USP3: variants seen among roughly 807,000 people sequenced by gnomAD.
The protein encoded by USP3 is ubiquitin carboxyl-terminal hydrolase 3.
In USP3, 20 loss-of-function variants were observed where a neutral mutation model predicts 72.3. The ratio of observed to expected loss-of-function variants is 0.28; its 90% CI spans 0.19 to 0.40. USP3 has a LOEUF of 0.40. Among genes scored for constraint, USP3 ranks in the 10% least tolerant of loss-of-function variants. The pLI, the probability that USP3 is intolerant of heterozygous loss-of-function variation, is 1.00. For synonymous variants in USP3, 222 were observed against 225.3 expected (o/e 0.99, Z 0.13); for missense variants, 479 against 633.9 (o/e 0.76, Z 2.62).
At chr15:63,551,566 T>C (rs550541586) in intron 3 of USP3, among the ~76,000 whole-genome samples, 45 of 152,268 alleles carry the variant, frequency 3.0e-4, no homozygotes, top group African/African-American at 1.1e-3. Context: ...ATTCTGTTGA[T>C]ACAAACTAGA....
intron 14 of USP3, among the ~76,000 whole-genome samples, chr15:63,589,337 C>T (rs2067139284): frequency 6.6e-6 from 1 of 152,202 alleles, no homozygotes; most frequent in South Asian, 2.1e-4. Context: ...CTTGGAATAA[C>T]TTACTCCATA....
chr15:63,524,070 A>C (rs2065949855), intron 1 of USP3, among the ~76,000 whole-genome samples: 1 of 152,156 alleles, frequency 6.6e-6, no homozygotes, highest in African/African-American at 2.4e-5. Flanking sequence ...CTTGTTACTG[A>C]GTTATTGTTA....
intron 1 of USP3, among the ~76,000 whole-genome samples, chr15:63,518,826 C>T (rs570260086): frequency 6.6e-6 from 1 of 151,836 alleles, no homozygotes; most frequent in Non-Finnish European, 1.5e-5. Context: ...AGTGCAGTGG[C>T]GTGATCTCGG....
chr15:63,508,095 T>G (rs2152645658), intron 1 of USP3, among the ~76,000 whole-genome samples: 1 of 152,306 alleles, frequency 6.6e-6, no homozygotes, highest in Non-Finnish European at 1.5e-5. Flanking sequence ...CCCCACTGCA[T>G]GCTTGTGAGA....
chr15:63,505,869 A>C (rs1410933476), intron 1 of USP3, among the ~76,000 whole-genome samples: 1 of 152,194 alleles, frequency 6.6e-6, no homozygotes, highest in Non-Finnish European at 1.5e-5. Context: ...AGAAATATAG[A>C]AAAACGGCAA....
chr15:63,589,503 C>G (rs1401776701), intron 14 of USP3, among the ~76,000 whole-genome samples: 1 of 152,144 alleles, frequency 6.6e-6, no homozygotes, highest in Admixed American at 6.5e-5. Flanking sequence ...GACGACTATC[C>G]ATGTTGAAAA....
chr15:63,554,462 G>C (rs977146173), intron 4 of USP3, among the ~76,000 whole-genome samples: 4 of 152,196 alleles, frequency 2.6e-5, no homozygotes, highest in African/African-American at 9.6e-5. Flanking sequence ...AGCTAGCCAT[G>C]CCTTTGAAGC....
Position 63,544,574 on chromosome 15 carries a change from C to A in USP3, c.284+7418C>A. On this transcript the variant is annotated intron_variant, in intron 3 of 14. Coordinates refer to ENST00000380324, the MANE Select transcript of USP3 (RefSeq NM_006537.4). The surrounding 1 kb of genome is among the most constrained non-coding windows in gnomAD (Gnocchi z 4.2). Reference sequence around the variant, plus strand: ...TTAGAATTTTTTAAAGGAAGTAAACCTACATTAAATTTTAGGACAAGAAAA... The same window carrying A: ...TTAGAATTTTTTAAAGGAAGTAAACATACATTAAATTTTAGGACAAGAAAA... 1.6e-6 allele frequency: 1 copy of A among 606,524 alleles called. No homozygotes were observed. Among genetic ancestry groups the A allele is most frequent in the Non-Finnish European group, 2.9e-6 (1 of 341,024 alleles). 37.6% of individuals were successfully genotyped at this position (606,524 alleles called of 1,614,324 possible).
intron 11 of USP3, among the ~76,000 whole-genome samples, chr15:63,587,475 A>T (rs1288265490): frequency 6.6e-6 from 1 of 152,260 alleles, no homozygotes; most frequent in African/African-American, 2.4e-5. Context: ...AAGCAAAATG[A>T]CATACAGCAG....
intron 5 of USP3, 56 bp from the exon 6 acceptor site, chr15:63,558,050 G>A (rs2066541731): frequency 6.3e-7 from 1 of 1,590,892 alleles, no homozygotes; most frequent in Admixed American, 1.7e-5. Flanking sequence ...TTTGATGTTT[G>A]AAACAGTTGG....
chr15:63,525,413 G>C (rs2065967924), intron 1 of USP3, among the ~76,000 whole-genome samples: 2 of 152,132 alleles, frequency 1.3e-5, no homozygotes, highest in African/African-American at 4.8e-5. Flanking sequence ...TGTTCCCTGG[G>C]AACCTAACCA....
Position 63,522,678 on chromosome 15 carries a change from A to G in USP3, c.92-9969A>G, listed in dbSNP as rs190097993. ...CTTACTCACTTCTTTGCTAAAACAA[A>G]GTTAGAAATTAAAATGTATTTCTAA... On this transcript the variant is annotated intron_variant, in intron 1 of 14. Transcript: ENST00000380324. Among the ~76,000 whole-genome samples, 668 of 152,298 alleles carry G rather than the reference A, an allele frequency of 4.4e-3. 3 individuals are homozygous for G. The highest frequency in any genetic ancestry group is 5.2e-3 in the Admixed American group (80 of 15,306).
chr15:63,584,333 C>T (rs929961931), intron 11 of USP3, among the ~76,000 whole-genome samples: 3 of 152,140 alleles, frequency 2.0e-5, no homozygotes, highest in East Asian at 3.9e-4. Flanking sequence ...CTCCTGACCT[C>T]GTGATCTACC....
intron 3 of USP3, among the ~76,000 whole-genome samples, chr15:63,551,585 AC>A (rs2066437394): frequency 6.6e-6 from 1 of 152,160 alleles, no homozygotes; most frequent in East Asian, 1.9e-4. Flanking sequence ...GATTGGTGAT[AC>A]GCTTTTGGGT....
intron 14 of USP3, among the ~76,000 whole-genome samples, chr15:63,589,959 A>G (rs1242303191): frequency 1.6e-5 from 2 of 121,408 alleles, no homozygotes; most frequent in African/African-American, 2.6e-5. Context: ...TGATTGCACT[A>G]TCTTTTTGAA....
intron 11 of USP3, among the ~76,000 whole-genome samples, chr15:63,577,747 T>C (rs1323209009): frequency 3.3e-5 from 5 of 151,350 alleles, no homozygotes; most frequent in Non-Finnish European, 5.9e-5. Context: ...CGAGACTCCG[T>C]CTCAAAATAA....
chr15:63,514,307 A>G (rs551165237), intron 1 of USP3, among the ~76,000 whole-genome samples: 20 of 152,146 alleles, frequency 1.3e-4, no homozygotes, highest in African/African-American at 3.9e-4. Context: ...TGAAAATTCT[A>G]TCGATTGTAA....
At chr15:63,556,825 A>G (rs1170691974) in intron 5 of USP3, 77 bp downstream of exon 5, 2 of 1,018,764 alleles carry the variant, frequency 2.0e-6, no homozygotes, top group Admixed American at 5.1e-5. Flanking sequence ...CTAACATGTA[A>G]TGTTACCTGT....
chr15:63,509,386 A>G (rs953410033), intron 1 of USP3, among the ~76,000 whole-genome samples: 1 of 152,164 alleles, frequency 6.6e-6, no homozygotes, highest in African/African-American at 2.4e-5. Flanking sequence ...AACTTTCCCC[A>G]GAATGCTTTC....
Sources: allele counts gnomAD v4.1 joint callset (sites outside exome capture counted in the v4.1 genomes callset), GRCh38; gene constraint gnomAD v4.1.1; non-coding constraint Gnocchi (gnomAD v3.1); transcripts MANE v1.5; gene names NCBI Gene and HGNC (gene_info 2026-07-23, HGNC 2026-07-21).